DHX8: variants seen among roughly 807,000 people sequenced by gnomAD.
The protein encoded by DHX8 is DEAH-box helicase 8, also known as ATP-dependent RNA helicase DHX8.
DHX8 carries 67 observed loss-of-function variants against 140.7 expected under a neutral mutation model. That is an observed-to-expected ratio of 0.48 (90% confidence interval 0.39 to 0.58). DHX8 has a LOEUF of 0.58. DHX8 is among the 20% of genes least tolerant of loss of function. The pLI, the probability that DHX8 is intolerant of heterozygous loss-of-function variation, is 0.00. For synonymous variants in DHX8, 533 were observed against 553.2 expected (o/e 0.96, Z 0.51); for missense variants, 887 against 1,550.7 (o/e 0.57, Z 7.19).
At chr17:43,505,643 C>A (rs989140806) in intron 12 of DHX8, among the ~76,000 whole-genome samples, 4 of 151,766 alleles carry the variant, frequency 2.6e-5, no homozygotes, top group Non-Finnish European at 5.9e-5. Flanking sequence ...TCCTGGGGCC[C>A]CTAGAACAGT....
chr17:43,536,770 A>T (rs563452492), intron 3 of DHX8, among the ~76,000 whole-genome samples: 114 of 152,392 alleles, frequency 7.5e-4, no homozygotes, highest in African/African-American at 2.6e-3. Context: ...CCCTGGGCTG[A>T]AAGTGGCCCA....
At chr17:43,503,412 AC>A (rs1969312764) in intron 11 of DHX8, among the ~76,000 whole-genome samples, 1 of 151,730 alleles carries the variant, frequency 6.6e-6, no homozygotes, top group African/African-American at 2.4e-5. Flanking sequence ...CAAGAGAATC[AC>A]TTGAACCTGG....
chr17:43,506,326 A>C (rs571947153), intron 12 of DHX8, among the ~76,000 whole-genome samples: 7 of 151,196 alleles, frequency 4.6e-5, no homozygotes, highest in East Asian at 2.0e-4. Context: ...AACAAACAAA[A>C]AAAATTGCCA....
At chr17:43,501,777 C>T (rs535288651) in intron 11 of DHX8, among the ~76,000 whole-genome samples, 20 of 152,224 alleles carry the variant, frequency 1.3e-4, no homozygotes, top group African/African-American at 2.4e-4. Context: ...TGTGAGCCAC[C>T]GTGCCCAGCC....
intron 19 of DHX8, 23 bp from the exon 20 acceptor site, chr17:43,520,728 G>A (rs758193372): frequency 1.9e-6 from 3 of 1,613,870 alleles, no homozygotes; most frequent in East Asian, 2.2e-5. Flanking sequence ...GGAAGCAGTT[G>A]TAGTCTTTTT....
intron 17 of DHX8, among the ~76,000 whole-genome samples, chr17:43,516,965 G>A (rs1468213320): frequency 6.6e-6 from 1 of 151,910 alleles, no homozygotes; most frequent in Non-Finnish European, 1.5e-5. Context: ...TGCCTCCCTC[G>A]AACAAACTTC....
chr17:43,517,579 G>A (rs1970174601), intron 18 of DHX8: 3 of 414,700 alleles, frequency 7.2e-6, no homozygotes, highest in African/African-American at 2.1e-5. Flanking sequence ...GTTCTAGTTA[G>A]GAGCATTTTC....
In DHX8 at chr17:43,513,319, G is replaced by T. The variant is rs1409112264; in HGVS notation, c.2503-43G>T. On this transcript the variant is annotated intron_variant, in intron 16 of 22. Coordinates refer to ENST00000262415, the MANE Select transcript of DHX8 (RefSeq NM_004941.3). The stretch of plus-strand genomic sequence containing the variant: ...GAAGACCTTTTCACACCTCAGGGCT[G>T]AGCCTGGGCACCTCACTCCAGCTTT... The T allele has an allele frequency of 2.5e-6, 4 of 1,602,650 alleles. No homozygotes were observed. In the Admixed American group the frequency reaches 5.1e-5, roughly 20 times the overall value.
At chr17:43,538,960 T>C (rs1285356173) in intron 3 of DHX8, among the ~76,000 whole-genome samples, 2 of 152,136 alleles carry the variant, frequency 1.3e-5, no homozygotes, top group East Asian at 3.8e-4. Context: ...TACAAATACA[T>C]ATCCCATCTC....
downstream of DHX8, among the ~76,000 whole-genome samples, chr17:43,530,607 C>CGTGTGTGTGTGTGT (rs1414343747): frequency 7.2e-6 from 1 of 138,628 alleles, no homozygotes; most frequent in African/African-American, 2.5e-5. Context: ...TGTGCACGCG[C>CGTGTGTGTGTGTGT]GCGTGTGTGT....
intron 16 of DHX8, among the ~76,000 whole-genome samples, chr17:43,510,714 C>T (rs544184530): frequency 2.0e-5 from 3 of 152,314 alleles, no homozygotes; most frequent in East Asian, 3.9e-4. Flanking sequence ...GCCATCACCA[C>T]AATTATATTT....
At chr17:43,520,984 T>C in intron 20 of DHX8, 105 bp downstream of exon 20, 2 of 1,238,298 alleles carry the variant, frequency 1.6e-6, no homozygotes, top group South Asian at 3.1e-5. Context: ...TTTTTTTTTT[T>C]TTTTGAGATG....
intron 1 of DHX8, among the ~76,000 whole-genome samples, chr17:43,488,286 G>GAA (rs751549971): frequency 1.4e-4 from 16 of 112,334 alleles, no homozygotes; most frequent in African/African-American, 5.0e-4. Context: ...TCAAAAAAAA[G>GAA]AAAAAAAAAA....
chr17:43,500,772 G>A (rs1567683063), intron 11 of DHX8, among the ~76,000 whole-genome samples: 1 of 151,746 alleles, frequency 6.6e-6, no homozygotes. Context: ...ATAGCCAGGT[G>A]TGGTGGTGCG....
At chr17:43,521,635 G>A (rs1392430392) in intron 21 of DHX8, 70 bp downstream of exon 21, 3 of 1,458,726 alleles carry the variant, frequency 2.1e-6, no homozygotes, top group Non-Finnish European at 2.8e-6. Flanking sequence ...TTTCATCTCT[G>A]TGTGTACCTA....
rs769139935 is a variant in DHX8, at chr17:43,493,531, A to G, written c.950A>G (p.Gln317Arg). Residue 317 changes from glutamine to arginine, a missense_variant, in exon 7 of 23, where the codon CAG becomes CGG. Physicochemically the swap from Gln to Arg is conservative, Grantham distance 43. This residue lies in a region of DHX8 where 98 missense variants were observed against 152.7 expected (regional missense o/e 0.64). Coordinates refer to ENST00000262415, the MANE Select transcript of DHX8 (RefSeq NM_004941.3). ...ANVADVVSKG[Q>R]RVKVKVLSFT... Reference sequence around the variant, plus strand: ...GTAGCTGATGTCGTGAGCAAAGGCCAGAGGGTCAAAGTCAAAGTGCTGTCC... The same window carrying G: ...GTAGCTGATGTCGTGAGCAAAGGCCGGAGGGTCAAAGTCAAAGTGCTGTCC... 1.2e-6 allele frequency: 2 copies of G among 1,614,170 alleles called. No homozygotes were observed. Among genetic ancestry groups the G allele is most frequent in the South Asian group, 2.2e-5 (2 of 91,088 alleles).
At chr17:43,518,479 A>G (rs977903293) in intron 18 of DHX8, 1 of 152,336 alleles carries the variant, frequency 6.6e-6, no homozygotes, top group African/African-American at 2.4e-5. Flanking sequence ...TATCCTGGCC[A>G]TCTTTATATC....
intron 20 of DHX8, 27 bp downstream of exon 20, chr17:43,520,906 TG>T (rs763655454): frequency 1.9e-6 from 3 of 1,577,746 alleles, no homozygotes. Flanking sequence ...CAAGTTTAGA[TG>T]GGGGTGCCAT....
chr17:43,526,353 C>A, downstream of DHX8: 1 of 1,464,246 alleles, frequency 6.8e-7, no homozygotes, highest in South Asian at 1.4e-5. Flanking sequence ...TGCCTCTGCA[C>A]ACATGCTGAG....
Sources: gnomAD v4.1 joint callset for allele counts (sites outside exome capture counted in the v4.1 genomes callset) on GRCh38, gnomAD v4.1.1 for gene constraint, gnomAD v4.1.1 regional missense constraint, MANE v1.5 for transcripts, NCBI Gene and HGNC (gene_info 2026-07-23, HGNC 2026-07-21) for gene names.